The following CSGALNACT1 variants were observed in gnomAD, a reference collection of about 807,000 sequenced individuals.
The protein encoded by CSGALNACT1 is chondroitin sulfate N-acetylgalactosaminyltransferase 1, also known as beta4GalNAcT-1.
In CSGALNACT1, 52 loss-of-function variants were observed where a neutral mutation model predicts 51.0. That is an observed-to-expected ratio of 1.02 (90% CI 0.82 to 1.29). The LOEUF (loss-of-function observed/expected upper bound fraction) is 1.29. Among genes scored for constraint, CSGALNACT1 ranks in the 50% most tolerant of loss-of-function variants. The pLI is 0.00. For missense variants in CSGALNACT1, 935 were observed against 679.2 expected (o/e 1.38, Z -4.19); for synonymous variants, 341 against 254.4 (o/e 1.34, Z -3.24).
intron 4 of CSGALNACT1, among the ~76,000 whole-genome samples, chr8:19,498,370 C>T (rs1223809488): frequency 6.6e-6 from 1 of 152,202 alleles, no homozygotes; most frequent in East Asian, 1.9e-4. Flanking sequence ...GATTAAAAAA[C>T]TTCCATCCTT....
intron 3 of CSGALNACT1, among the ~76,000 whole-genome samples, chr8:19,571,299 C>A (rs776389817): frequency 6.6e-6 from 1 of 152,122 alleles, no homozygotes; most frequent in Non-Finnish European, 1.5e-5. Flanking sequence ...ACTCATCTGA[C>A]AAACCTGCTA....
intron 1 of CSGALNACT1, among the ~76,000 whole-genome samples, chr8:19,700,111 CAAA>C (rs1252529714): frequency 1.7e-5 from 1 of 58,374 alleles, no homozygotes; most frequent in Non-Finnish European, 3.5e-5. Context: ...GACTCCGTCT[CAAA>C]AAAAAAAAAA....
At chr8:19,613,748 CA>C (rs2052620829) in intron 1 of CSGALNACT1, among the ~76,000 whole-genome samples, 1 of 152,170 alleles carries the variant, frequency 6.6e-6, no homozygotes, top group South Asian at 2.1e-4. Context: ...AATGGCTCTC[CA>C]AAAGAGGTAT....
At chr8:19,557,155 G>A (rs973601997) in intron 3 of CSGALNACT1, among the ~76,000 whole-genome samples, 2 of 152,080 alleles carry the variant, frequency 1.3e-5, no homozygotes, top group Non-Finnish European at 2.9e-5. Context: ...TGTAAATTTA[G>A]TTGCCTCTTC....
At chr8:19,662,613 C>T (rs775242053) in intron 1 of CSGALNACT1, among the ~76,000 whole-genome samples, 1 of 152,194 alleles carries the variant, frequency 6.6e-6, no homozygotes, top group African/African-American at 2.4e-5. Context: ...ATTATTTCCT[C>T]TTTGCTGATA....
In CSGALNACT1 at chr8:19,757,773, C is replaced by G. The variant is rs1168678903; in HGVS notation, c.-297+77G>C. On this transcript the variant is annotated intron_variant, in intron 1 of 1. Transcript: ENST00000517494. This position sits in a 1 kb window ranked among gnomAD's most constrained non-coding sequence, Gnocchi z 4.0. ...TGCAAAAACTTTGTAAATCGCACTT[C>G]GGGGAATTCACGCTTTAGTCGCGGT... 1 of 152,476 alleles carries G rather than the reference C, an allele frequency of 6.6e-6. No homozygotes were observed. Among genetic ancestry groups the G allele is most frequent in the African/African-American group, 2.4e-5 (1 of 41,462 alleles). The allele number at this position is 152,476 out of a possible 1,614,324, so 9.4% of individuals were successfully genotyped here.
chr8:19,523,207 G>A (rs906718639), intron 3 of CSGALNACT1, among the ~76,000 whole-genome samples: 11 of 152,078 alleles, frequency 7.2e-5, no homozygotes, highest in East Asian at 1.9e-4. Flanking sequence ...CACCCACCTC[G>A]CTCTATAGGA....
rs970405083 is a variant in CSGALNACT1 at position 19,557,537 on chromosome 8, G to A, written c.-297+33623C>T. ...CCCTGCTGCCTTGTTAGCCACACAGGCCTATTCGTTGTTTTGGGGACACAC... is the reference window on the plus strand; with the variant it reads ...CCCTGCTGCCTTGTTAGCCACACAGACCTATTCGTTGTTTTGGGGACACAC... On this transcript the variant is annotated intron_variant, in intron 3 of 9. Transcript: ENST00000454498. 2.0e-5 allele frequency among the ~76,000 whole-genome samples: 3 copies of A among 152,168 alleles called. No homozygotes were observed. The East Asian group carries it at 5.8e-4, about 29-fold the overall frequency.
At chr8:19,680,804 T>C (rs1464200149) in intron 1 of CSGALNACT1, among the ~76,000 whole-genome samples, 1 of 152,138 alleles carries the variant, frequency 6.6e-6, no homozygotes, top group Non-Finnish European at 1.5e-5. Flanking sequence ...TTTTTATTTA[T>C]GTATATGTTT....
At chr8:19,721,935 A>C (rs2063151261) in intron 1 of CSGALNACT1, among the ~76,000 whole-genome samples, 1 of 152,222 alleles carries the variant, frequency 6.6e-6, no homozygotes, top group Non-Finnish European at 1.5e-5. Context: ...GTAAAGATTC[A>C]AATCTAAAAT....
upstream of CSGALNACT1, among the ~76,000 whole-genome samples, chr8:19,606,685 C>T (rs1053230875): frequency 6.6e-6 from 1 of 152,092 alleles, no homozygotes; most frequent in Admixed American, 6.5e-5. Context: ...TCATTTTAAT[C>T]CTTTCACTCA....
chr8:19,514,475 CTATA>C lies in CSGALNACT1; in HGVS notation c.-296-8349_-296-8346del, dbSNP rs33928915. Among the ~76,000 whole-genome samples, 243 of 78,784 alleles carry C rather than the reference CTATA, an allele frequency of 3.1e-3. 6 individuals are homozygous for C. Among genetic ancestry groups the C allele is most frequent in the East Asian group, 0.031 (76 of 2,474 alleles). 51.7% of individuals were successfully genotyped at this position (78,784 alleles called of 152,430 possible). On this transcript the variant is annotated intron_variant, in intron 3 of 9. Coordinates refer to ENST00000454498, the Ensembl canonical transcript of CSGALNACT1. Reference sequence around the variant, plus strand: ...GCATCATATGACTTTTGAACAGAGACTATATATATATATATATATATATATATAT... The same window carrying C: ...GCATCATATGACTTTTGAACAGAGACTATATATATATATATATATATATAT...
At chr8:19,425,204 T>C (rs2058588172) in intron 6 of CSGALNACT1, among the ~76,000 whole-genome samples, 1 of 151,964 alleles carries the variant, frequency 6.6e-6, no homozygotes, top group Non-Finnish European at 1.5e-5. Flanking sequence ...TAGCCAGGCG[T>C]GGTGGTGGCG....
intron 3 of CSGALNACT1, among the ~76,000 whole-genome samples, chr8:19,579,011 G>C (rs2044943536): frequency 6.6e-6 from 1 of 152,058 alleles, no homozygotes; most frequent in Admixed American, 6.5e-5. Context: ...ATCCAGTAAT[G>C]AGTCACAGCA....
intron 4 of CSGALNACT1, among the ~76,000 whole-genome samples, chr8:19,467,376 C>T (rs1024620223): frequency 6.6e-6 from 1 of 151,974 alleles, no homozygotes; most frequent in South Asian, 2.1e-4. Context: ...CTACCTCGGC[C>T]CCCCAAAGTG....
intron 1 of CSGALNACT1, among the ~76,000 whole-genome samples, chr8:19,663,083 T>C (rs376058444): frequency 6.6e-6 from 1 of 152,138 alleles, no homozygotes; most frequent in Admixed American, 6.5e-5. Flanking sequence ...CGTTCCTCAT[T>C]AGTCATGATC....
At chr8:19,713,632 C>G (rs4922091) in intron 1 of CSGALNACT1, among the ~76,000 whole-genome samples, 55,706 of 151,956 alleles carry the variant, frequency 0.37, 11,076 homozygotes, top group East Asian at 0.65. Context: ...AAGGCAGACA[C>G]TGGACTGCTG....
intron 1 of CSGALNACT1, among the ~76,000 whole-genome samples, chr8:19,752,197 T>TATATATCTTATATGATATATAAA (rs1240003433): frequency 3.4e-5 from 5 of 148,434 alleles, no homozygotes; most frequent in African/African-American, 7.3e-5. Context: ...TAATATATAC[T>TATATATCTTATATGATATATAAA]ATATATCTTA....
intron 3 of CSGALNACT1, among the ~76,000 whole-genome samples, chr8:19,508,451 G>A (rs945780308): frequency 2.0e-5 from 3 of 152,190 alleles, no homozygotes; most frequent in Non-Finnish European, 4.4e-5. Flanking sequence ...AGTTTAAAGT[G>A]CATGTTTAGC....
Sources: allele counts gnomAD v4.1 joint callset (sites outside exome capture counted in the v4.1 genomes callset), GRCh38; gene constraint gnomAD v4.1.1; non-coding constraint Gnocchi (gnomAD v3.1); transcripts MANE v1.5; gene names NCBI Gene and HGNC (gene_info 2026-07-23, HGNC 2026-07-21).